The following NOD1 variants were observed in gnomAD, a reference collection of about 807,000 sequenced individuals.
NOD1 encodes the protein nucleotide-binding oligomerization domain-containing protein 1.
Under a neutral mutation model 81.2 loss-of-function variants are expected in NOD1, and 70 were observed. The ratio of observed to expected loss-of-function variants is 0.86; its 90% CI spans 0.71 to 1.05. The LOEUF is 1.05. NOD1 is among the 50% of genes least tolerant of loss of function. The pLI, the probability that NOD1 is intolerant of heterozygous loss-of-function variation, is 0.00. For synonymous variants in NOD1, 508 were observed against 526.9 expected (o/e 0.96, Z 0.49); for missense variants, 1,233 against 1,228.0 (o/e 1.00, Z -0.06).
Position 30,452,589 on chromosome 7 carries a change from G to C in NOD1, c.828C>G (p.Pro276=). ...CATCGAAGGTGAAGAGGGCCACGTG[G>C]GGGAAGCGCAGCAGGAAGGCAAACA... ...EEVFAFLLRF[P]HVALFTFDGL... is the part of the protein sequence containing the mutation. The change falls in exon 6 of 14, where the codon CCC becomes CCG. Residue 276 remains proline (P), a synonymous_variant. Coordinates refer to ENST00000222823, the MANE Select transcript of NOD1 (RefSeq NM_006092.4). The C allele has an allele frequency of 6.2e-7, 1 of 1,613,600 alleles. No homozygotes were observed. Among genetic ancestry groups the C allele is most frequent in the Non-Finnish European group, 8.5e-7 (1 of 1,180,018 alleles).
chr7:30,428,922 G>C (rs1783702825), intron 13 of NOD1, among the ~76,000 whole-genome samples: 1 of 152,162 alleles, frequency 6.6e-6, no homozygotes, highest in Non-Finnish European at 1.5e-5. Flanking sequence ...AAAAGAAGTA[G>C]ACAAAGAGCA....
chr7:30,435,954 T>C, intron 11 of NOD1, 44 bp downstream of exon 11: 1 of 1,515,732 alleles, frequency 6.6e-7, no homozygotes, highest in Non-Finnish European at 9.2e-7. Context: ...CAAGACCCTA[T>C]CACAGAAAAA....
chr7:30,446,820 CAG>C (rs1357126350), intron 8 of NOD1, 145 bp downstream of exon 8: 2 of 649,222 alleles, frequency 3.1e-6, no homozygotes, highest in Non-Finnish European at 5.4e-6. Flanking sequence ...ACAGATCACA[CAG>C]AGGTATCTTT....
At chr7:30,469,906 G>A (rs917723381) in intron 1 of NOD1, among the ~76,000 whole-genome samples, 16 of 152,168 alleles carry the variant, frequency 1.1e-4, no homozygotes, top group African/African-American at 2.9e-4. Flanking sequence ...TCCCCCCAGC[G>A]GGGATGTCAC....
At position 30,445,359 on chromosome 7, in the gene NOD1, T is replaced by C. The variant is rs972080171; in HGVS notation, c.2453+782A>G. ...TATGCCCATGTGCACAGCAGCATTA[T>C]TCACAACAGCCAAAGCATAGAAGCA... is the stretch of plus-strand genomic sequence containing the variant. On this transcript the variant is annotated intron_variant, in intron 9 of 13. Transcript: ENST00000222823. Among the ~76,000 whole-genome samples the C allele has an allele frequency of 2.0e-5, 3 of 150,096 alleles. No homozygotes were observed. In the East Asian group the frequency reaches 5.9e-4, roughly 30 times the overall value.
intron 9 of NOD1, among the ~76,000 whole-genome samples, chr7:30,439,154 G>A (rs375520347): frequency 1.3e-5 from 2 of 152,144 alleles, no homozygotes; most frequent in African/African-American, 4.8e-5. Context: ...TGCTGCTGCC[G>A]TGGAAAACAG....
intron 1 of NOD1, among the ~76,000 whole-genome samples, chr7:30,470,437 G>A (rs754717094): frequency 1.3e-5 from 2 of 152,172 alleles, no homozygotes; most frequent in African/African-American, 2.4e-5. Context: ...AGGAACCGTC[G>A]AATGAATGAA....
chr7:30,452,827 G>GCA lies in NOD1; in HGVS notation c.589_590insTG (p.Thr197MetfsTer29), dbSNP rs769073173. 36 of 1,614,048 alleles carry GCA rather than the reference G, an allele frequency of 2.2e-5. No homozygotes were observed. The highest frequency in any genetic ancestry group is 3.1e-5 in the Non-Finnish European group (36 of 1,180,048). ...CCCAGCATCACCCAGGATGAAGATG[G>GCA]TCTCACCCTGCTCATTGAGGATGCC... is the stretch of plus-strand genomic sequence containing the variant. On this transcript the variant is annotated frameshift_variant, in exon 6 of 14. Coordinates refer to ENST00000222823, the MANE Select transcript of NOD1 (RefSeq NM_006092.4). LOFTEE classifies it high-confidence loss of function.
chr7:30,433,261 G>T, intron 11 of NOD1, 82 bp from the exon 12 acceptor site: 2 of 1,056,956 alleles, frequency 1.9e-6, no homozygotes, highest in Non-Finnish European at 1.5e-6. Context: ...CGGGAGCTCA[G>T]CCCAAGGCTC....
chr7:30,473,353 A>T (rs1788466971), intron 1 of NOD1, among the ~76,000 whole-genome samples: 1 of 152,176 alleles, frequency 6.6e-6, no homozygotes, highest in Non-Finnish European at 1.5e-5. Context: ...ATTATTTTCA[A>T]TACTGTTGCT....
At chr7:30,434,061 T>A (rs901021646) in intron 11 of NOD1, among the ~76,000 whole-genome samples, 1 of 152,138 alleles carries the variant, frequency 6.6e-6, no homozygotes, top group Non-Finnish European at 1.5e-5. Context: ...GTAGGGAGAA[T>A]GAGGTAGAAT....
chr7:30,471,403 G>A (rs1788263235), intron 1 of NOD1, among the ~76,000 whole-genome samples: 2 of 152,210 alleles, frequency 1.3e-5, no homozygotes, highest in Admixed American at 6.5e-5. Context: ...CCTCATGACC[G>A]CTTCACAGCA....
At chr7:30,448,413 A>G (rs776092228) in intron 6 of NOD1, 32 bp from the exon 7 acceptor site, 1 of 1,552,516 alleles carries the variant, frequency 6.4e-7, no homozygotes, top group South Asian at 1.1e-5. Context: ...ATTACGAGTC[A>G]GGGCAGGCAC....
rs1006379265 is a variant in NOD1, at chr7:30,452,534, G to T, written c.883C>A (p.Leu295Met). 1.9e-6 allele frequency: 3 copies of T among 1,613,176 alleles called. No individual in the cohort carries two copies. Among genetic ancestry groups the T allele is most frequent in the Non-Finnish European group, 2.5e-6 (3 of 1,179,966 alleles). Residue 295 changes from leucine (L) to methionine (M), a missense_variant, in exon 6 of 14, where the codon CTG (leucine) becomes ATG (methionine). Physicochemically the swap from Leu to Met is conservative, Grantham distance 15. Coordinates refer to ENST00000222823, the MANE Select transcript of NOD1 (RefSeq NM_006092.4). ...CAGGAGCTGTCAGGCACGCGGCTCA[G>T]GTCCAAGTCCGAGTGCAGCTCGTCC... is the stretch of plus-strand genomic sequence containing the variant. ...GLDELHSDLDLSRVPDSSCPW... is the reference protein window; with the variant it reads ...GLDELHSDLDMSRVPDSSCPW...
In NOD1 at chr7:30,429,368, T is replaced by C; in HGVS notation, c.2789+6A>G. 1.2e-6 allele frequency: 2 copies of C among 1,612,338 alleles called. No individual in the cohort carries two copies. Among genetic ancestry groups the C allele is most frequent in the Non-Finnish European group, 1.7e-6 (2 of 1,178,294 alleles). On this transcript the variant is annotated splice_donor_region_variant and intron_variant, in intron 13 of 13. Coordinates refer to ENST00000222823, the MANE Select transcript of NOD1 (RefSeq NM_006092.4). The stretch of plus-strand genomic sequence containing the variant: ...GTTATTACTGTGACAAACGCTGGGA[T>C]CTTACCAAATCTCTGTTATGCCAGT...
chr7:30,431,724 C>A (rs143176690), intron 12 of NOD1, among the ~76,000 whole-genome samples: 17 of 152,294 alleles, frequency 1.1e-4, no homozygotes, highest in East Asian at 7.7e-4. Flanking sequence ...TCTTTGTGAT[C>A]TTGGATTAGG....
chr7:30,451,687 T>G lies in NOD1; in HGVS notation c.1730A>C (p.Asp577Ala). ...CLQGSGPARE[D>A]LFKNKDHFQF... Reference sequence around the variant, plus strand: ...GAAGTGATCCTTGTTCTTGAAGAGGTCTTCCCGCGCCGGACCACTGCCCTG... The same window carrying G: ...GAAGTGATCCTTGTTCTTGAAGAGGGCTTCCCGCGCCGGACCACTGCCCTG... The change falls in exon 6 of 14, where the codon GAC becomes GCC. Residue 577 changes from aspartate to alanine, a missense_variant. Transcript: ENST00000222823. This position sits in a 1 kb window ranked among gnomAD's most constrained non-coding sequence, Gnocchi z 4.2. 6.2e-7 allele frequency: 1 copy of G among 1,613,708 alleles called. No homozygotes were observed. The highest frequency in any genetic ancestry group is 8.5e-7 in the Non-Finnish European group (1 of 1,179,976).
intron 9 of NOD1, among the ~76,000 whole-genome samples, chr7:30,445,278 T>TAAAAAAAAAAAAAAAAAAAAAAAAAAAA (rs55875433): frequency 4.3e-5 from 3 of 69,170 alleles, no homozygotes; most frequent in African/African-American, 7.0e-5. Context: ...AAAAAGAATC[T>TAAAAAAAAAAAAAAAAAAAAAAAAAAAA]AAAAAAAAAA....
intron 13 of NOD1, among the ~76,000 whole-genome samples, chr7:30,427,521 A>G (rs1197433374): frequency 6.6e-6 from 1 of 152,186 alleles, no homozygotes; most frequent in Admixed American, 6.5e-5. Context: ...CTCAGAGCCC[A>G]GTCCCATGAA....
Sources: allele counts gnomAD v4.1 joint callset (sites outside exome capture counted in the v4.1 genomes callset), GRCh38; gene constraint gnomAD v4.1.1; non-coding constraint Gnocchi (gnomAD v3.1); transcripts MANE v1.5; gene names NCBI Gene and HGNC (gene_info 2026-07-23, HGNC 2026-07-21).